Variants in NCKAP5 observed in about 807,000 individuals in gnomAD.
NCKAP5 encodes the protein nck-associated protein 5.
Under a neutral mutation model 167.0 loss-of-function variants are expected in NCKAP5, and 92 were observed. The ratio of observed to expected loss-of-function variants is 0.55; its 90% confidence interval spans 0.47 to 0.66. The LOEUF is 0.66. NCKAP5 is among the 30% of genes least tolerant of loss of function. NCKAP5 has a pLI of 0.00. For synonymous variants in NCKAP5, 891 were observed against 877.4 expected, an observed-to-expected ratio of 1.02 and a Z score of -0.27; for missense variants, 2,378 against 2,315.0, an observed-to-expected ratio of 1.03 and a Z score of -0.56.
chr2:133,147,128 G>A (rs1280494068), intron 5 of NCKAP5, among the ~76,000 whole-genome samples: 1 of 152,132 alleles, frequency 6.6e-6, no homozygotes. Context: ...CAAGTGGACG[G>A]ACAAACACTA....
intron 3 of NCKAP5, among the ~76,000 whole-genome samples, chr2:133,334,314 T>C (rs954093330): frequency 4.6e-5 from 7 of 152,156 alleles, no homozygotes; most frequent in African/African-American, 1.7e-4. Flanking sequence ...GTATTAGACA[T>C]TTCTTTTGAA....
At chr2:132,993,791 C>A (rs1035392990) in intron 7 of NCKAP5, among the ~76,000 whole-genome samples, 3 of 152,192 alleles carry the variant, frequency 2.0e-5, no homozygotes, top group African/African-American at 7.2e-5. Flanking sequence ...TATTCCTCAC[C>A]TCCTCAGCCA....
intron 16 of NCKAP5, among the ~76,000 whole-genome samples, chr2:132,732,700 T>A (rs1691146712): frequency 6.6e-6 from 1 of 152,186 alleles, no homozygotes; most frequent in African/African-American, 2.4e-5. Flanking sequence ...TAGGTGAAAT[T>A]TATTAACTGA....
chr2:132,838,521 A>C (rs1014805291), intron 11 of NCKAP5, among the ~76,000 whole-genome samples: 3 of 152,036 alleles, frequency 2.0e-5, no homozygotes, highest in Non-Finnish European at 2.9e-5. Flanking sequence ...AGTCCCAGCT[A>C]CTCGGGAGGC....
intron 6 of NCKAP5, among the ~76,000 whole-genome samples, chr2:133,030,574 T>C (rs191851341): frequency 6.6e-6 from 1 of 152,318 alleles, no homozygotes; most frequent in African/African-American, 2.4e-5. Context: ...TCAAGGTAAG[T>C]ACAAAGCATT....
At chr2:133,014,654 T>C (rs1190628286) in intron 6 of NCKAP5, among the ~76,000 whole-genome samples, 1 of 152,232 alleles carries the variant, frequency 6.6e-6, no homozygotes, top group African/African-American at 2.4e-5. Flanking sequence ...AAACTAAAAC[T>C]TAACCTTACT....
intron 3 of NCKAP5, among the ~76,000 whole-genome samples, chr2:133,427,960 C>T (rs1358058845): frequency 6.6e-6 from 1 of 151,904 alleles, no homozygotes; most frequent in South Asian, 2.1e-4. Context: ...TTAAAACTTG[C>T]ATATGAATTA....
chr2:133,139,551 C>T (rs1235230704), intron 5 of NCKAP5, among the ~76,000 whole-genome samples: 1 of 152,136 alleles, frequency 6.6e-6, no homozygotes, highest in Non-Finnish European at 1.5e-5. Flanking sequence ...ATAAAATAGA[C>T]ACACCAAAGG....
rs565040771 is a variant in NCKAP5 at position 132,953,416 on chromosome 2, C to A, written c.579+10304G>T. Among the ~76,000 whole-genome samples the A allele has an allele frequency of 6.6e-5, 10 of 152,234 alleles. No individual in the cohort carries two copies. The South Asian group carries it at 2.1e-3, about 32-fold the overall frequency. ...ACTTCTGTCTTGGTGCTCCACTGAG[C>A]CTTGTACACACCTTACATTTTTCTA... On this transcript the variant is annotated intron_variant, in intron 8 of 19. Coordinates refer to ENST00000409261, the MANE Select transcript of NCKAP5 (RefSeq NM_207363.3).
At position 133,279,326 on chromosome 2, in the gene NCKAP5, A is replaced by C. The variant is rs867910126; in HGVS notation, c.143+23711T>G. ...GGCTTATCCGTCAGGTTTGGATTGT[A>C]TACTACAATTCAGATTTGCAGTCCT... On this transcript the variant is annotated intron_variant, in intron 4 of 19. Transcript: ENST00000409261. 2.6e-5 allele frequency among the ~76,000 whole-genome samples: 4 copies of C among 152,216 alleles called. No individual in the cohort carries two copies. In the South Asian group the frequency reaches 6.2e-4, roughly 24 times the overall value.
intron 19 of NCKAP5, among the ~76,000 whole-genome samples, chr2:132,695,489 G>C (rs1687218188): frequency 6.6e-6 from 1 of 152,110 alleles, no homozygotes; most frequent in African/African-American, 2.4e-5. Context: ...TTCTATGTGT[G>C]ATTCCTGGCC....
In NCKAP5 at chr2:133,518,344, ATTTTTT is replaced by A. The variant is rs751025050; in HGVS notation, c.-61-763_-61-758del. On this transcript the variant is annotated intron_variant, in intron 2 of 19. Transcript: ENST00000409261. ...TAAAAGAAATGGGTTACAGTAAAGG[ATTTTTT>A]TTTTTTTTTTTTTTTTTTTTTTGGG... Among the ~76,000 whole-genome samples the A allele has an allele frequency of 9.1e-4, 68 of 74,634 alleles. 3 individuals carry two copies. The highest frequency in any genetic ancestry group is 3.4e-3 in the South Asian group (5 of 1,486). 49.0% of individuals were successfully genotyped at this position (74,634 alleles called of 152,430 possible).
In NCKAP5 at chr2:133,517,447, T is replaced by C; in HGVS notation, c.69+11A>G. On this transcript the variant is annotated intron_variant, in intron 3 of 19. Coordinates refer to ENST00000409261, the MANE Select transcript of NCKAP5 (RefSeq NM_207363.3). ...AACATATAGAGTGGTAAATGAATAT[T>C]TAGTACTTACCACAAGACTGCTGTC... 1 of 1,453,452 alleles carries C rather than the reference T, an allele frequency of 6.9e-7. No homozygotes were observed. Among genetic ancestry groups the C allele is most frequent in the Non-Finnish European group, 9.2e-7 (1 of 1,088,222 alleles). The allele number at this position is 1,453,452 out of a possible 1,614,324, so 90.0% of individuals were successfully genotyped here. A position where few individuals can be genotyped will look rare whatever the true frequency, so the allele number is the denominator to read the frequency against.
At chr2:133,528,927 G>A (rs971232550) in intron 2 of NCKAP5, among the ~76,000 whole-genome samples, 11 of 152,050 alleles carry the variant, frequency 7.2e-5, no homozygotes, top group African/African-American at 1.7e-4. Flanking sequence ...TGGCTGTCTC[G>A]AATGCCTAGA....
chr2:132,781,068 A>T lies in NCKAP5; in HGVS notation c.5033T>A (p.Val1678Glu). 1 of 1,613,486 alleles carries T rather than the reference A, an allele frequency of 6.2e-7. No individual in the cohort carries two copies. Among genetic ancestry groups the T allele is most frequent in the Non-Finnish European group, 8.5e-7 (1 of 1,179,680 alleles). Residue 1678 changes from valine (V) to glutamate (E), a missense_variant, in exon 15 of 20, where the codon GTA (valine) becomes GAA (glutamate). Val to Glu is a moderately radical substitution (Grantham distance 121). Coordinates refer to ENST00000409261, the MANE Select transcript of NCKAP5 (RefSeq NM_207363.3). ...AGCACTTACCAGGGAGTCTTTTGGTACTTCCATATCGGCTTTGATTTTCAT... is the reference window on the plus strand; with the variant it reads ...AGCACTTACCAGGGAGTCTTTTGGTTCTTCCATATCGGCTTTGATTTTCAT... ...KNMKIKADME[V>E]PKDSLVKEAN...
At chr2:132,801,416 T>C (rs924618604) in intron 11 of NCKAP5, among the ~76,000 whole-genome samples, 6 of 152,196 alleles carry the variant, frequency 3.9e-5, no homozygotes, top group Admixed American at 2.0e-4. Context: ...ATATATGTCA[T>C]ATGTGTACAT....
At chr2:133,637,118 A>C in the NCKAP5 span, among the ~76,000 whole-genome samples, 2 of 151,976 alleles carry the variant, frequency 1.3e-5, no homozygotes, top group Admixed American at 6.6e-5. Flanking sequence ...CTGAAAATCA[A>C]ATTTAACTCT....
At chr2:133,502,219 T>C (rs1438279335) in intron 3 of NCKAP5, among the ~76,000 whole-genome samples, 1 of 152,254 alleles carries the variant, frequency 6.6e-6, no homozygotes, top group Non-Finnish European at 1.5e-5. Flanking sequence ...CTTCTAGATT[T>C]ATCTAGTTTC....
chr2:133,622,156 T>C, the NCKAP5 span, among the ~76,000 whole-genome samples: 3 of 152,156 alleles, frequency 2.0e-5, no homozygotes, highest in South Asian at 6.2e-4. Context: ...AAGCCATCTA[T>C]GATAGACCCA....
Sources: gnomAD v4.1 joint callset for allele counts (sites outside exome capture counted in the v4.1 genomes callset) on GRCh38, gnomAD v4.1.1 for gene constraint, MANE v1.5 for transcripts, NCBI Gene and HGNC (gene_info 2026-07-23, HGNC 2026-07-21) for gene names.